The following CDH16 variants were observed in gnomAD, a reference collection of about 807,000 sequenced individuals.
CDH16 encodes the protein cadherin 16.
CDH16 carries 79 observed loss-of-function variants against 87.6 expected under a neutral mutation model. That is an observed-to-expected ratio of 0.90 (90% confidence interval 0.75 to 1.09). The LOEUF (loss-of-function observed/expected upper bound fraction) is 1.09. CDH16 is among the 50% of genes least tolerant of loss of function. The probability of loss-of-function intolerance (pLI) is 0.00; values close to 1 mark genes in which losing one functional copy is unlikely to be tolerated. For synonymous variants in CDH16, 457 were observed against 439.5 expected, an observed-to-expected ratio of 1.04 and a Z score of -0.50; for missense variants, 1,124 against 1,071.7, an observed-to-expected ratio of 1.05 and a Z score of -0.68.
Position 66,915,244 on chromosome 16 carries a change from C to G in CDH16, c.559G>C (p.Gly187Arg), listed in dbSNP as rs1383169419. 3 of 1,612,808 alleles carry G rather than the reference C, an allele frequency of 1.9e-6. No homozygotes were observed. Among genetic ancestry groups the G allele is most frequent in the Non-Finnish European group, 2.5e-6 (3 of 1,179,768 alleles). ...CCCTTGGGGCTGAGGGCCAGAGCCC[C>G]CAGCCGAGGCTCCAGCTGGAACATG... ...PDMFQLEPRL[G>R]ALALSPKGST... is the part of the protein sequence containing the mutation. Residue 187 changes from glycine (G) to arginine (R), a missense_variant, in exon 6 of 18, where the codon GGG becomes CGG. Gly to Arg is a moderately radical substitution (Grantham distance 125). Transcript: ENST00000299752.
In CDH16 at chr16:66,912,386, C is replaced by T; in HGVS notation, c.1404G>A (p.Leu468=). Residue 468 remains leucine, a synonymous_variant, in exon 12 of 18, where the codon CTG becomes CTA. Coordinates refer to ENST00000299752, the MANE Select transcript of CDH16 (RefSeq NM_004062.4). ...SLPEDVEPGT[L]VAMLTAIDAD... ...CATCAATGGCTGTTAGCATGGCCAC[C>T]AGAGTCCCGGGCTCCACATCCTCAG... The T allele has an allele frequency of 6.2e-7, 1 of 1,614,128 alleles. No individual in the cohort carries two copies. Among genetic ancestry groups the T allele is most frequent in the African/African-American group, 1.3e-5 (1 of 75,050 alleles).
At position 66,913,218 on chromosome 16, in the gene CDH16, G is replaced by A. The variant is rs1166929212; in HGVS notation, c.967C>T (p.His323Tyr). The A allele has an allele frequency of 2.5e-6, 4 of 1,595,886 alleles. No homozygotes were observed. The Admixed American group carries it at 6.9e-5, about 28-fold the overall frequency. ...TCATTCTCATCCATCACCAGCACGT[G>A]CAGCTCCAGAGGGGCCGCATAGTCC... ...GEDYAAPLEL[H>Y]VLVMDENDNV... The change falls in exon 9 of 18, where the codon CAC (histidine) becomes TAC (tyrosine). Residue 323 changes from histidine (H) to tyrosine (Y), a missense_variant. By Grantham distance (83) the His-to-Tyr change is moderately conservative. Transcript: ENST00000299752.
At chr16:66,914,121 G>A (rs1407103330) in intron 7 of CDH16, 95 bp downstream of exon 7, 3 of 1,073,792 alleles carry the variant, frequency 2.8e-6, no homozygotes, top group Non-Finnish European at 4.2e-6. Context: ...CACGGGTCAT[G>A]AGGGTTCCAG....
chr16:66,912,991 CGTGTGTGTGTGT>C (rs112552212), intron 9 of CDH16, 100 bp from the exon 10 acceptor site: 143 of 1,115,062 alleles, frequency 1.3e-4, no homozygotes, highest in African/African-American at 9.9e-4. Context: ...AATTTGAGCT[CGTGTGTGTGTGT>C]GTGTGTGTGT....
chr16:66,914,021 G>A (rs952809857), intron 7 of CDH16, among the ~76,000 whole-genome samples, 195 bp downstream of exon 7: 1 of 152,228 alleles, frequency 6.6e-6, no homozygotes, highest in African/African-American at 2.4e-5. Flanking sequence ...CTAGAGGATG[G>A]CAGAGCAGGC....
rs557259417 is a variant in CDH16 at position 66,909,881 on chromosome 16, T to C, written c.2275+105A>G. 1.2e-4 allele frequency: 91 copies of C among 789,822 alleles called. No homozygotes were observed. Among genetic ancestry groups the C allele is most frequent in the Non-Finnish European group, 1.9e-4 (89 of 472,500 alleles). 48.9% of individuals were successfully genotyped at this position (789,822 alleles called of 1,614,324 possible). On this transcript the variant is annotated intron_variant, in intron 16 of 17. Transcript: ENST00000299752. The surrounding 1 kb of genome is among the most constrained non-coding windows in gnomAD (Gnocchi z 4.1). ...ATAGGTGTGCAAGTGTGCACAGGCA[T>C]GTGCTGTCCACATGAGCAGCCTGTA... is the stretch of plus-strand genomic sequence containing the variant.
At chr16:66,915,424 G>GGA in intron 5 of CDH16, 46 bp from the exon 6 acceptor site, 1 of 1,588,842 alleles carries the variant, frequency 6.3e-7, no homozygotes, top group South Asian at 1.1e-5. Context: ...GAGAGGGTGG[G>GGA]GAGAGTCTCC....
In CDH16 at chr16:66,916,292, C is replaced by T; in HGVS notation, c.267G>A (p.Gln89=). The T allele has an allele frequency of 1.2e-6, 2 of 1,613,834 alleles. No homozygotes were observed. Among genetic ancestry groups the T allele is most frequent in the Non-Finnish European group, 1.7e-6 (2 of 1,179,706 alleles). Residue 89 remains glutamine, a synonymous_variant, in exon 4 of 18, where the codon CAG becomes CAA. Coordinates refer to ENST00000299752, the MANE Select transcript of CDH16 (RefSeq NM_004062.4). The surrounding 1 kb of genome is among the most constrained non-coding windows in gnomAD (Gnocchi z 4.1). ...LVTRALDREE[Q]AEYQLQVTLE... ...GCCATACCTGTAGCTGGTACTCTGC[C>T]TGCTCCTCTCGGTCCAGGGCCCTGG...
chr16:66,911,539 T>G (rs1187367432), intron 13 of CDH16, among the ~76,000 whole-genome samples: 1 of 152,060 alleles, frequency 6.6e-6, no homozygotes, highest in Non-Finnish European at 1.5e-5. Flanking sequence ...AGGGAGAAAC[T>G]CTTAGAGCCT....
chr16:66,912,200 CGTGCATGT>C, intron 12 of CDH16, 34 bp downstream of exon 12: 1 of 1,598,964 alleles, frequency 6.3e-7, no homozygotes, highest in Non-Finnish European at 8.5e-7. Context: ...TGCATGCATG[CGTGCATGT>C]GTGGGCCCCT....
Position 66,915,142 on chromosome 16 carries a change from G to C in CDH16, c.583+78C>G, listed in dbSNP as rs1330467271. ...TTTTACCTCTCAAGCTCCCACCCAT[G>C]CTTGTCTTATGGTTCAGATACCACC... is the stretch of plus-strand genomic sequence containing the variant. On this transcript the variant is annotated intron_variant, in intron 6 of 17. Coordinates refer to ENST00000299752, the MANE Select transcript of CDH16 (RefSeq NM_004062.4). 6 of 1,384,430 alleles carry C rather than the reference G, an allele frequency of 4.3e-6. No individual in the cohort carries two copies. In the East Asian group the frequency reaches 1.4e-4, roughly 33 times the overall value. 85.8% of individuals were successfully genotyped at this position (1,384,430 alleles called of 1,614,324 possible).
At chr16:66,917,898 C>G (rs1003707886) in intron 2 of CDH16, 123 bp downstream of exon 2, 1 of 1,041,108 alleles carries the variant, frequency 9.6e-7, no homozygotes, top group African/African-American at 1.6e-5. Context: ...AGTCCCAGCT[C>G]TGACCCCTCC....
Position 66,916,028 on chromosome 16 carries a change from C to A in CDH16, c.424+37G>T, listed in dbSNP as rs1465208563. On this transcript the variant is annotated intron_variant, in intron 5 of 17. Coordinates refer to ENST00000299752, the MANE Select transcript of CDH16 (RefSeq NM_004062.4). This position sits in a 1 kb window ranked among gnomAD's most constrained non-coding sequence, Gnocchi z 4.1. ...TCTCTGCTGTTCCATCAAGGCCCAC[C>A]TGACCTTACTGTAAATTGGCTGCCC... The A allele has an allele frequency of 1.2e-6, 2 of 1,613,356 alleles. No homozygotes were observed. Among genetic ancestry groups the A allele is most frequent in the Non-Finnish European group, 1.7e-6 (2 of 1,179,840 alleles).
chr16:66,910,543 G>C (rs767345898), intron 14 of CDH16, 41 bp from the exon 15 acceptor site: 8 of 1,460,228 alleles, frequency 5.5e-6, no homozygotes, highest in Middle Eastern at 2.5e-4. Context: ...GTGTTGCCAG[G>C]GGGAGGGTGA....
Position 66,908,497 on chromosome 16 carries a change from G to T in CDH16, c.2393-8C>A. The T allele has an allele frequency of 3.7e-6, 6 of 1,610,228 alleles. No homozygotes were observed. The highest frequency in any genetic ancestry group is 5.1e-6 in the Non-Finnish European group (6 of 1,176,492). On this transcript the variant is annotated splice_region_variant and splice_polypyrimidine_tract_variant and intron_variant, in intron 17 of 17. Transcript: ENST00000299752. ...TGAGGATGAGGAAGATTCCTGTGGG[G>T]CCCAAGAGGGATGTATCAGGCCTCA...
chr16:66,913,296 AG>A lies in CDH16; in HGVS notation c.904-16del, dbSNP rs779203632. 1.3e-6 allele frequency: 2 copies of A among 1,545,048 alleles called. No individual in the cohort carries two copies. The highest frequency in any genetic ancestry group is 1.7e-6 in the Non-Finnish European group (2 of 1,145,336). ...TGGAGCAGGTACTGCGGTGGGCAGT[AG>A]GGGGCTTCAGGTCAGGACCAAGGGC... On this transcript the variant is annotated splice_polypyrimidine_tract_variant and intron_variant, in intron 8 of 17. Coordinates refer to ENST00000299752, the MANE Select transcript of CDH16 (RefSeq NM_004062.4).
At chr16:66,913,038 G>T (rs1962503706) in intron 9 of CDH16, 93 bp downstream of exon 9, 22 of 1,413,558 alleles carry the variant, frequency 1.6e-5, no homozygotes, top group African/African-American at 2.8e-5. Context: ...GAGGGACATT[G>T]ACATGGGGGC....
chr16:66,915,387 CGGTGGG>C lies in CDH16; in HGVS notation c.425-15_425-10del. 2 of 1,612,832 alleles carry C rather than the reference CGGTGGG, an allele frequency of 1.2e-6. No individual in the cohort carries two copies. Among genetic ancestry groups the C allele is most frequent in the Non-Finnish European group, 1.7e-6 (2 of 1,179,426 alleles). On this transcript the variant is annotated splice_polypyrimidine_tract_variant and intron_variant, in intron 5 of 17. Coordinates refer to ENST00000299752, the MANE Select transcript of CDH16 (RefSeq NM_004062.4). ...GAAGAGGAAGGGGATGCCTGGTTCA[CGGTGGG>C]AGGGCAAACTGTAAGGGATAGAGAG...
At position 66,909,195 on chromosome 16, in the gene CDH16, T is replaced by C. The variant is rs1962293247; in HGVS notation, c.2392+72A>G. On this transcript the variant is annotated intron_variant, in intron 17 of 17. Transcript: ENST00000299752. The surrounding 1 kb of genome is among the most constrained non-coding windows in gnomAD (Gnocchi z 4.1). ...GCTAGGGGCACCATGGGGACAAAGG[T>C]GTTTATTTGGAGGCTGTGGTCCCAA... The C allele has an allele frequency of 5.4e-6, 5 of 928,030 alleles. No homozygotes were observed. Among genetic ancestry groups the C allele is most frequent in the Non-Finnish European group, 8.9e-6 (5 of 558,810 alleles). The allele number at this position is 928,030 out of a possible 1,614,324, so 57.5% of individuals were successfully genotyped here.
Sources: gnomAD v4.1 joint callset for allele counts (sites outside exome capture counted in the v4.1 genomes callset) on GRCh38, gnomAD v4.1.1 for gene constraint, Gnocchi (gnomAD v3.1) non-coding constraint, MANE v1.5 for transcripts, NCBI Gene and HGNC (gene_info 2026-07-23, HGNC 2026-07-21) for gene names.